Variants in SLC16A14 observed in about 807,000 individuals in gnomAD.
SLC16A14 encodes the protein monocarboxylate transporter 14.
Under a neutral mutation model 35.8 loss-of-function variants are expected in SLC16A14, and 14 were observed. That is an observed-to-expected ratio of 0.39 (90% confidence interval 0.26 to 0.61). The LOEUF is 0.61. SLC16A14 is among the 20% of genes least tolerant of loss of function. The probability of loss-of-function intolerance (pLI) is 0.51; values close to 1 mark genes in which losing one functional copy is unlikely to be tolerated. For synonymous variants in SLC16A14, 248 were observed against 258.9 expected, an observed-to-expected ratio of 0.96 and a Z score of 0.40; for missense variants, 533 against 655.0, an observed-to-expected ratio of 0.81 and a Z score of 2.03.
chr2:230,065,248 T>C (rs1454379181), intron 1 of SLC16A14, among the ~76,000 whole-genome samples: 1 of 152,132 alleles, frequency 6.6e-6, no homozygotes, highest in Non-Finnish European at 1.5e-5. Context: ...GCATGTAGAA[T>C]ATAGTAAAAA....
At position 230,059,077 on chromosome 2, in the gene SLC16A14, G is replaced by T. The variant is rs1424535141; in HGVS notation, c.259+17C>A. Reference sequence around the variant, plus strand: ...TGATAACGATTCAGTTTTACGACAGGTCACACATGAACATACCCACTATCA... The same window carrying T: ...TGATAACGATTCAGTTTTACGACAGTTCACACATGAACATACCCACTATCA... On this transcript the variant is annotated intron_variant, in intron 2 of 4. Coordinates refer to ENST00000295190, the MANE Select transcript of SLC16A14 (RefSeq NM_152527.5). 6.4e-7 allele frequency: 1 copy of T among 1,571,900 alleles called. No individual in the cohort carries two copies.
chr2:230,052,094 G>C (rs1414853983), intron 2 of SLC16A14, among the ~76,000 whole-genome samples: 3 of 151,964 alleles, frequency 2.0e-5, no homozygotes, highest in East Asian at 3.9e-4. Flanking sequence ...ACGCCACCAT[G>C]CCTGGCTAAT....
intron 4 of SLC16A14, among the ~76,000 whole-genome samples, chr2:230,039,591 A>G (rs892407228): frequency 6.6e-5 from 10 of 152,318 alleles, no homozygotes; most frequent in Middle Eastern, 3.4e-3. Context: ...ATGCAGAGTG[A>G]TCTGTATCTG....
At position 230,055,089 on chromosome 2, in the gene SLC16A14, CCAGG is replaced by C. The variant is rs1165613467; in HGVS notation, c.259+4001_259+4004del. On this transcript the variant is annotated intron_variant, in intron 2 of 4. Coordinates refer to ENST00000295190, the MANE Select transcript of SLC16A14 (RefSeq NM_152527.5). ...AGACACAATTTTGGAGTCCCATGGACCAGGTTTAAAGCCAGTTCTACACTTACTG... is the reference window on the plus strand; with the variant it reads ...AGACACAATTTTGGAGTCCCATGGACTTTAAAGCCAGTTCTACACTTACTG... 2.0e-5 allele frequency among the ~76,000 whole-genome samples: 3 copies of C among 151,848 alleles called. No homozygotes were observed. In the East Asian group the frequency reaches 5.8e-4, roughly 29 times the overall value.
chr2:230,047,075 T>C (rs4973246), intron 3 of SLC16A14, among the ~76,000 whole-genome samples: 99,443 of 151,992 alleles, frequency 0.65, 32,575 homozygotes, highest in East Asian at 0.7. Context: ...CCAGATCACA[T>C]GGCACGTGCT....
intron 4 of SLC16A14, among the ~76,000 whole-genome samples, chr2:230,044,221 C>A (rs1040041331): frequency 6.6e-6 from 1 of 151,332 alleles, no homozygotes; most frequent in African/African-American, 2.4e-5. Context: ...TGCCTGTAAT[C>A]CCAGCACTTT....
chr2:230,062,883 C>T (rs1043593415), intron 1 of SLC16A14, among the ~76,000 whole-genome samples: 4 of 152,210 alleles, frequency 2.6e-5, no homozygotes, highest in Admixed American at 2.6e-4. Flanking sequence ...AGTCCTCAGC[C>T]ACTACAGCAC....
intron 2 of SLC16A14, among the ~76,000 whole-genome samples, chr2:230,054,602 G>A (rs990927575): frequency 1.8e-4 from 27 of 152,152 alleles, no homozygotes; most frequent in Admixed American, 1.8e-3. Flanking sequence ...GAAAGGCACA[G>A]GTAACAGACT....
At position 230,046,325 on chromosome 2, in the gene SLC16A14, G is replaced by A; in HGVS notation, c.801C>T (p.Cys267=). 1.7e-5 allele frequency: 27 copies of A among 1,614,140 alleles called. No homozygotes were observed. Among genetic ancestry groups the A allele is most frequent in the Non-Finnish European group, 2.2e-5 (26 of 1,180,006 alleles). Residue 267 remains cysteine (C), a synonymous_variant, in exon 4 of 5, where the codon TGC becomes TGT. Transcript: ENST00000295190. This position sits in a 1 kb window ranked among gnomAD's most constrained non-coding sequence, Gnocchi z 5.0. ...ETLCDLQAQE[C]PDQAGHRKNM... ...TCTTCCTGTGCCCGGCCTGATCGGG[G>A]CACTCCTGGGCTTGCAGGTCGCAGA...
chr2:230,047,917 T>A (rs1281546933), intron 3 of SLC16A14, among the ~76,000 whole-genome samples: 1 of 152,222 alleles, frequency 6.6e-6, no homozygotes, highest in Non-Finnish European at 1.5e-5. Context: ...AGAACTGTTA[T>A]CAGGTCCTTC....
At chr2:230,054,584 T>C (rs1047497119) in intron 2 of SLC16A14, among the ~76,000 whole-genome samples, 3 of 152,186 alleles carry the variant, frequency 2.0e-5, no homozygotes, top group Non-Finnish European at 4.4e-5. Context: ...CTCAAAATCA[T>C]CTTTGGAGAA....
Position 230,059,099 on chromosome 2 carries a change from A to C in SLC16A14, c.254T>G (p.Ile85Arg). ...CAGGTCACACATGAACATACCCACT[A>C]TCAAGGTGATGCCCATGCTGAGGGA... is the stretch of plus-strand genomic sequence containing the variant. ...VSSLSMGITLIVGPFIGLFIN... is the reference protein window; with the variant it reads ...VSSLSMGITLRVGPFIGLFIN... The change falls in exon 2 of 5, where the codon ATA becomes AGA. Residue 85 changes from isoleucine to arginine, a missense_variant. Physicochemically the swap from Ile to Arg is moderately conservative, Grantham distance 97. Coordinates refer to ENST00000295190, the MANE Select transcript of SLC16A14 (RefSeq NM_152527.5). 1 of 1,609,984 alleles carries C rather than the reference A, an allele frequency of 6.2e-7. No homozygotes were observed. The highest frequency in any genetic ancestry group is 8.5e-7 in the Non-Finnish European group (1 of 1,178,196).
rs558490757 is a variant in SLC16A14 at position 230,039,472 on chromosome 2, T to C, written c.1382-1941A>G. 3.5e-4 allele frequency among the ~76,000 whole-genome samples: 54 copies of C among 152,268 alleles called. No individual in the cohort carries two copies. In the East Asian group the frequency reaches 0.01, roughly 29 times the overall value. On this transcript the variant is annotated intron_variant, in intron 4 of 4. Coordinates refer to ENST00000295190, the MANE Select transcript of SLC16A14 (RefSeq NM_152527.5). ...TTCAGAATTGAATTGGAAAGGCACA[T>C]TGACACTGACCTATGAACAAAAACA...
chr2:230,055,058 C>T (rs2077693733), intron 2 of SLC16A14, among the ~76,000 whole-genome samples: 1 of 152,142 alleles, frequency 6.6e-6, no homozygotes, highest in South Asian at 2.1e-4. Context: ...CAGGCAGTGT[C>T]ATAGTAGACA....
chr2:230,042,874 T>C (rs1355675096), intron 4 of SLC16A14, among the ~76,000 whole-genome samples: 5 of 152,118 alleles, frequency 3.3e-5, no homozygotes, highest in Non-Finnish European at 7.4e-5. Context: ...CTGCTATAAA[T>C]GATGATGTAG....
rs1248961830 is a variant in SLC16A14 at position 230,059,156 on chromosome 2, T to A, written c.197A>T (p.His66Leu). 6.2e-7 allele frequency: 1 copy of A among 1,614,136 alleles called. No individual in the cohort carries two copies. The highest frequency in any genetic ancestry group is 1.7e-5 in the Admixed American group (1 of 60,018). The change falls in exon 2 of 5, where the codon CAC (histidine) becomes CTC (leucine). Residue 66 changes from histidine to leucine, a missense_variant. By Grantham distance (99) the His-to-Leu change is moderately conservative. Coordinates refer to ENST00000295190, the MANE Select transcript of SLC16A14 (RefSeq NM_152527.5). ...CCAGGCGGTCAGGCCGCGGCTCTGG[T>A]GGAATTCTTCCAGCCATTCCACGTT... ...VLNVEWLEEF[H>L]QSRGLTAWVS...
At chr2:230,057,789 G>A (rs971419677) in intron 2 of SLC16A14, among the ~76,000 whole-genome samples, 5 of 152,154 alleles carry the variant, frequency 3.3e-5, no homozygotes, top group African/African-American at 1.2e-4. Flanking sequence ...CAATTTGGGA[G>A]GCCAAGGCAG....
At chr2:230,040,924 A>G (rs928341602) in intron 4 of SLC16A14, among the ~76,000 whole-genome samples, 3 of 152,182 alleles carry the variant, frequency 2.0e-5, no homozygotes, top group Non-Finnish European at 2.9e-5. Context: ...CAGAGAGAAG[A>G]GAGTTCCTAC....
intron 1 of SLC16A14, among the ~76,000 whole-genome samples, chr2:230,061,968 C>T (rs2077755479): frequency 6.6e-6 from 1 of 152,138 alleles, no homozygotes; most frequent in African/African-American, 2.4e-5. Context: ...TCTTGAACTC[C>T]TGACCTCAAG....
Sources: allele counts gnomAD v4.1 joint callset (sites outside exome capture counted in the v4.1 genomes callset), GRCh38; gene constraint gnomAD v4.1.1; non-coding constraint Gnocchi (gnomAD v3.1); transcripts MANE v1.5; gene names NCBI Gene and HGNC (gene_info 2026-07-23, HGNC 2026-07-21).